The following C1orf94 variants were observed in gnomAD, a reference collection of about 807,000 sequenced individuals.
C1orf94 encodes chromosome 1 open reading frame 94, also known as uncharacterized protein C1orf94.
Under a neutral mutation model 53.6 loss-of-function variants are expected in C1orf94, and 45 were observed. The observed-to-expected ratio is 0.84, with a 90% CI of 0.66 to 1.08. The LOEUF (loss-of-function observed/expected upper bound fraction) is 1.08. Ranked by LOEUF, C1orf94 falls within the 50% of genes least tolerant of loss-of-function variation. The pLI is 0.00. For synonymous variants in C1orf94, 304 were observed against 296.1 expected (o/e 1.03, Z -0.27); for missense variants, 762 against 738.9 (o/e 1.03, Z -0.36).
chr1:34,194,616 T>C (rs1455814823), intron 1 of C1orf94, among the ~76,000 whole-genome samples: 1 of 152,208 alleles, frequency 6.6e-6, no homozygotes, highest in African/African-American at 2.4e-5. Flanking sequence ...ATGATTAACA[T>C]ATGGCCAATC....
intron 5 of C1orf94, among the ~76,000 whole-genome samples, chr1:34,211,217 G>A (rs988764774): frequency 6.6e-6 from 1 of 152,100 alleles, no homozygotes; most frequent in African/African-American, 2.4e-5. Flanking sequence ...AGGTATTCAA[G>A]CAGATGCCTT....
chr1:34,208,367 C>A, intron 5 of C1orf94, 133 bp downstream of exon 5: 1 of 830,994 alleles, frequency 1.2e-6, no homozygotes, highest in Non-Finnish European at 1.9e-6. Context: ...AGTACAGACT[C>A]ACATACCGGC....
rs559780576 is a variant in C1orf94, at chr1:34,210,669, T to G, written c.1525-1541T>G. 8.5e-5 allele frequency among the ~76,000 whole-genome samples: 13 copies of G among 152,184 alleles called. No individual in the cohort carries two copies. The East Asian group carries it at 2.3e-3, about 27-fold the overall frequency. On this transcript the variant is annotated intron_variant, in intron 5 of 6. Transcript: ENST00000488417. ...CTAGCCTTTGTGGATTGTTTTTTTT[T>G]TTTTAGACGGAGTCTCGCTCTGTTG...
intron 1 of C1orf94, among the ~76,000 whole-genome samples, chr1:34,196,892 T>C (rs1021650581): frequency 1.3e-5 from 2 of 152,206 alleles, no homozygotes; most frequent in Admixed American, 6.5e-5. Flanking sequence ...CTCTGGTCTT[T>C]CATTGCTTCA....
rs1301440449 is a variant in C1orf94, at chr1:34,208,725, T to A, written c.1524+491T>A. Among the ~76,000 whole-genome samples the A allele has an allele frequency of 5.9e-5, 9 of 152,320 alleles. No individual in the cohort carries two copies. The East Asian group carries it at 1.7e-3, about 29-fold the overall frequency. On this transcript the variant is annotated intron_variant, in intron 5 of 6. Transcript: ENST00000488417. ...GTGGATCAGGTTTAGGTGGGTTCCATGTGCCTCTCCTGGGCCTCTGCTGAA... is the reference window on the plus strand; with the variant it reads ...GTGGATCAGGTTTAGGTGGGTTCCAAGTGCCTCTCCTGGGCCTCTGCTGAA...
chr1:34,198,560 A>G (rs988520870), intron 2 of C1orf94, among the ~76,000 whole-genome samples: 1 of 152,226 alleles, frequency 6.6e-6, no homozygotes, highest in Admixed American at 6.5e-5. Context: ...AACCAGTCAG[A>G]CTATATGGTT....
intron 2 of C1orf94, among the ~76,000 whole-genome samples, chr1:34,199,650 A>G (rs1024267229): frequency 1.3e-5 from 2 of 152,234 alleles, no homozygotes. Context: ...GTGCACAGCC[A>G]TCTGGTGGGT....
At chr1:34,191,643 CTG>C (rs1378642380) in intron 1 of C1orf94, among the ~76,000 whole-genome samples, 1 of 152,178 alleles carries the variant, frequency 6.6e-6, no homozygotes, top group East Asian at 1.9e-4. Context: ...GCCTTGGGTA[CTG>C]TGTTTGTCAT....
At chr1:34,203,409 G>A (rs1486754119) in intron 4 of C1orf94, among the ~76,000 whole-genome samples, 1 of 152,092 alleles carries the variant, frequency 6.6e-6, no homozygotes, top group Non-Finnish European at 1.5e-5. Flanking sequence ...GTACAGGGGT[G>A]AGCCACCGCA....
intron 2 of C1orf94, among the ~76,000 whole-genome samples, chr1:34,199,500 A>G (rs1209651120): frequency 6.6e-6 from 1 of 152,154 alleles, no homozygotes; most frequent in African/African-American, 2.4e-5. Flanking sequence ...CTTAGCCCCG[A>G]AGCTCAGCCC....
intron 5 of C1orf94, among the ~76,000 whole-genome samples, chr1:34,209,028 A>G (rs1234240512): frequency 6.6e-6 from 1 of 152,184 alleles, no homozygotes; most frequent in African/African-American, 2.4e-5. Flanking sequence ...GTATGTCCCA[A>G]ATATTGCACA....
At chr1:34,202,552 T>C (rs1035758703) in intron 4 of C1orf94, among the ~76,000 whole-genome samples, 11 of 152,202 alleles carry the variant, frequency 7.2e-5, no homozygotes, top group African/African-American at 2.4e-4. Flanking sequence ...ATTGTCCGAA[T>C]TCCAGTTCAC....
Position 34,177,889 on chromosome 1 carries a change from T to A in C1orf94, c.100T>A (p.Ser34Thr). ...MASGNGLPSS[S>T]ALVAKGPCAL... ...CAGCGGGAATGGGCTTCCTTCATCCTCGGCCCTGGTGGCCAAGGGCCCCTG... is the reference window on the plus strand; with the variant it reads ...CAGCGGGAATGGGCTTCCTTCATCCACGGCCCTGGTGGCCAAGGGCCCCTG... The change falls in exon 1 of 7, where the codon TCG becomes ACG. Residue 34 changes from serine (S) to threonine (T), a missense_variant. Ser to Thr is a moderately conservative substitution (Grantham distance 58). Transcript: ENST00000488417. 6.4e-7 allele frequency: 1 copy of A among 1,551,604 alleles called. No individual in the cohort carries two copies. Among genetic ancestry groups the A allele is most frequent in the South Asian group, 1.2e-5 (1 of 84,056 alleles).
In C1orf94 at chr1:34,197,761, T is replaced by C. The variant is rs1378494150; in HGVS notation, c.857T>C (p.Leu286Pro). The change falls in exon 2 of 7, where the codon CTG becomes CCG. Residue 286 changes from leucine (L) to proline (P), a missense_variant. Leu to Pro is a moderately conservative substitution (Grantham distance 98). Transcript: ENST00000488417. This position sits in a 1 kb window ranked among gnomAD's most constrained non-coding sequence, Gnocchi z 4.1. The stretch of plus-strand genomic sequence containing the variant: ...CCTGGACCCAAGGAGCCCACAGGGC[T>C]GAGCCCATTTCTGCTGCTGCCTCCC... ...SGPGPKEPTG[L>P]SPFLLLPPRP... 2 of 1,614,220 alleles carry C rather than the reference T, an allele frequency of 1.2e-6. No individual in the cohort carries two copies. The highest frequency in any genetic ancestry group is 1.7e-6 in the Non-Finnish European group (2 of 1,180,040).
At chr1:34,213,681 C>G (rs1056288007) in intron 6 of C1orf94, among the ~76,000 whole-genome samples, 2 of 152,050 alleles carry the variant, frequency 1.3e-5, no homozygotes, top group Admixed American at 1.3e-4. Context: ...GCTGGGATTA[C>G]AGACGTCCAC....
intron 1 of C1orf94, among the ~76,000 whole-genome samples, chr1:34,184,040 G>A (rs569932608): frequency 1.3e-5 from 2 of 152,268 alleles, no homozygotes; most frequent in South Asian, 4.2e-4. Flanking sequence ...AGCGCACTGA[G>A]GGGACACATG....
At chr1:34,204,518 C>G (rs1451968808) in intron 4 of C1orf94, among the ~76,000 whole-genome samples, 5 of 152,168 alleles carry the variant, frequency 3.3e-5, no homozygotes, top group Non-Finnish European at 7.3e-5. Context: ...TGTCCTTACA[C>G]AGGTCTTGAA....
intron 4 of C1orf94, 57 bp downstream of exon 4, chr1:34,202,316 A>G (rs1166754587): frequency 6.4e-7 from 1 of 1,565,502 alleles, no homozygotes; most frequent in Non-Finnish European, 8.7e-7. Context: ...GGCCACAGAG[A>G]AGGAGTGGCT....
rs754855956 is a variant in C1orf94 at position 34,202,134 on chromosome 1, A to C, written c.1321A>C (p.Asn441His). 4.3e-6 allele frequency: 7 copies of C among 1,613,998 alleles called. No individual in the cohort carries two copies. The highest frequency in any genetic ancestry group is 5.1e-6 in the Non-Finnish European group (6 of 1,180,028). ...ADKNNPKYTG[N>H]VFTPHFPTAM... is the part of the protein sequence containing the mutation. ...CAAGAACAACCCGAAGTACACAGGG[A>C]ATGTTTTCACTCCACACTTTCCTAC... The change falls in exon 4 of 7, where the codon AAT becomes CAT. Residue 441 changes from asparagine (N) to histidine (H), a missense_variant. Asn to His is a moderately conservative substitution (Grantham distance 68, BLOSUM62 1). Coordinates refer to ENST00000488417, the MANE Select transcript of C1orf94 (RefSeq NM_001134734.2).
Sources: allele counts gnomAD v4.1 joint callset (sites outside exome capture counted in the v4.1 genomes callset), GRCh38; gene constraint gnomAD v4.1.1; non-coding constraint Gnocchi (gnomAD v3.1); transcripts MANE v1.5; gene names NCBI Gene and HGNC (gene_info 2026-07-23, HGNC 2026-07-21).